Variants in DAAM1 observed in about 807,000 individuals in gnomAD.
DAAM1 encodes dishevelled associated activator of morphogenesis 1.
A neutral mutation model predicts 130.0 loss-of-function variants in DAAM1; 52 were observed. The ratio of observed to expected loss-of-function variants is 0.40; its 90% CI spans 0.32 to 0.50. The LOEUF is 0.50. Ranked by LOEUF, DAAM1 falls within the 20% of genes least tolerant of loss-of-function variation. The probability of loss-of-function intolerance (pLI) is 0.61; values close to 1 mark genes in which losing one functional copy is unlikely to be tolerated. For synonymous variants in DAAM1, 452 were observed against 444.5 expected (o/e 1.02, Z -0.21); for missense variants, 1,134 against 1,303.8 (o/e 0.87, Z 2.01).
At chr14:59,331,573 A>G in intron 14 of DAAM1, 65 bp downstream of exon 14, 1 of 1,518,572 alleles carries the variant, frequency 6.6e-7, no homozygotes, top group Non-Finnish European at 8.8e-7. Context: ...GTTATCACTG[A>G]AAGGGAAAAC....
At chr14:59,221,744 C>G (rs1419333840) in intron 1 of DAAM1, among the ~76,000 whole-genome samples, 4 of 152,206 alleles carry the variant, frequency 2.6e-5, no homozygotes, top group African/African-American at 9.7e-5. Flanking sequence ...TCTTGTCCTG[C>G]TGACTCAGAG....
chr14:59,200,490 C>G (rs919159115), intron 1 of DAAM1, among the ~76,000 whole-genome samples: 1 of 151,822 alleles, frequency 6.6e-6, no homozygotes, highest in Non-Finnish European at 1.5e-5. Context: ...GTTTTTTAAA[C>G]TTGACTCTAA....
chr14:59,274,572 T>C (rs1882871533), intron 2 of DAAM1, among the ~76,000 whole-genome samples: 1 of 152,146 alleles, frequency 6.6e-6, no homozygotes, highest in African/African-American at 2.4e-5. Flanking sequence ...TGGTCCAGAG[T>C]AGGTGCTCAA....
At chr14:59,193,817 A>G (rs1017608021) in intron 1 of DAAM1, among the ~76,000 whole-genome samples, 2 of 152,190 alleles carry the variant, frequency 1.3e-5, no homozygotes, top group African/African-American at 4.8e-5. Context: ...TATCTAGCTC[A>G]GGTGCCACAG....
At chr14:59,309,264 A>C (rs1412417433) in intron 3 of DAAM1, among the ~76,000 whole-genome samples, 14 of 152,226 alleles carry the variant, frequency 9.2e-5, no homozygotes, top group Non-Finnish European at 1.9e-4. Context: ...TGCTATTTTC[A>C]AAAAGTAGGA....
intron 2 of DAAM1, among the ~76,000 whole-genome samples, chr14:59,268,727 C>T (rs986472196): frequency 3.3e-5 from 5 of 152,186 alleles, no homozygotes; most frequent in African/African-American, 7.2e-5. Context: ...TTATACCTTT[C>T]GAGAATCAAT....
chr14:59,322,831 T>G, intron 5 of DAAM1, 61 bp from the exon 6 acceptor site: 1 of 1,370,378 alleles, frequency 7.3e-7, no homozygotes, highest in Non-Finnish European at 1.0e-6. Context: ...TAGACTTTTC[T>G]GTTAGGGGCT....
intron 17 of DAAM1, among the ~76,000 whole-genome samples, chr14:59,349,448 G>A (rs1886203826): frequency 6.6e-6 from 1 of 152,220 alleles, no homozygotes; most frequent in Admixed American, 6.5e-5. Context: ...TTTTGACCTG[G>A]CCTGTCCTGA....
chr14:59,244,541 T>G (rs1881279275), intron 1 of DAAM1, among the ~76,000 whole-genome samples: 1 of 152,188 alleles, frequency 6.6e-6, no homozygotes, highest in Non-Finnish European at 1.5e-5. Context: ...ATACCAAGAA[T>G]GAACAGGGGA....
In DAAM1 at chr14:59,196,043, T is replaced by A. The variant is rs1433807351; in HGVS notation, c.-38+7275T>A. On this transcript the variant is annotated intron_variant, in intron 1 of 24. Coordinates refer to ENST00000360909, the MANE Select transcript of DAAM1 (RefSeq NM_001270520.2). ...GTGAGAGGCAAGACTGCCAGCAGCT[T>A]GCTAAGGAACCGTATGCTTCTGACA... 1.3e-5 allele frequency among the ~76,000 whole-genome samples: 2 copies of A among 152,188 alleles called. 1 individual carries two copies. The highest frequency in any genetic ancestry group is 3.8e-4 in the East Asian group (2 of 5,198).
At chr14:59,318,682 T>C (rs758829991) in intron 4 of DAAM1, among the ~76,000 whole-genome samples, 3 of 152,132 alleles carry the variant, frequency 2.0e-5, no homozygotes, top group Non-Finnish European at 2.9e-5. Context: ...ACGATAAATA[T>C]AATCTCAGAA....
At position 59,312,816 on chromosome 14, in the gene DAAM1, A is replaced by T. The variant is rs184875881; in HGVS notation, c.274-2464A>T. Among the ~76,000 whole-genome samples, 37 of 152,342 alleles carry T rather than the reference A, an allele frequency of 2.4e-4. 1 individual carries two copies. The highest frequency in any genetic ancestry group is 7.3e-5 in the Non-Finnish European group (5 of 68,036). On this transcript the variant is annotated intron_variant, in intron 3 of 24. Coordinates refer to ENST00000360909, the MANE Select transcript of DAAM1 (RefSeq NM_001270520.2). ...AACAAAAGTCAGTGTTCTTGAAGGC[A>T]CTTTGTACTGTACAAGTTCTCTTTC...
chr14:59,205,643 G>C (rs1008334339), intron 1 of DAAM1, among the ~76,000 whole-genome samples: 2 of 152,146 alleles, frequency 1.3e-5, no homozygotes, highest in African/African-American at 4.8e-5. Flanking sequence ...CCAAAGACAG[G>C]TCTTTTGTCC....
At chr14:59,280,272 A>G (rs12885821) in intron 2 of DAAM1, among the ~76,000 whole-genome samples, 20,911 of 152,126 alleles carry the variant, frequency 0.14, 1,829 homozygotes, top group East Asian at 0.32. Flanking sequence ...ATAGGCTTTA[A>G]TCTTTAAAAT....
Position 59,350,244 on chromosome 14 carries a change from C to A in DAAM1, c.2161-2282C>A, listed in dbSNP as rs78645848. Among the ~76,000 whole-genome samples, 1,408 of 152,160 alleles carry A rather than the reference C, an allele frequency of 9.3e-3. 21 individuals carry two copies. The highest frequency in any genetic ancestry group is 0.032 in the African/African-American group (1,315 of 41,472). On this transcript the variant is annotated intron_variant, in intron 17 of 24. Coordinates refer to ENST00000360909, the MANE Select transcript of DAAM1 (RefSeq NM_001270520.2). ...GGGATGTCTCTTCCCTTCGCTCTGG[C>A]CCCATTCCTTTCTTCTAGTCAGGAC... is the stretch of plus-strand genomic sequence containing the variant.
At chr14:59,322,481 A>G (rs1385039245) in intron 5 of DAAM1, among the ~76,000 whole-genome samples, 5 of 147,778 alleles carry the variant, frequency 3.4e-5, no homozygotes, top group African/African-American at 7.6e-5. Context: ...ATGACAGAGC[A>G]AGACCCTGTC....
Position 59,352,521 on chromosome 14 carries a change from T to C in DAAM1, c.2161-5T>C, listed in dbSNP as rs776667926. 3 of 1,610,106 alleles carry C rather than the reference T, an allele frequency of 1.9e-6. No homozygotes were observed. The highest frequency in any genetic ancestry group is 1.7e-4 in the Middle Eastern group (1 of 6,054). ...TCAGTTTTAATATTCGTGTGTACTTTTCAGCTCTTGAAATTTGTTCCTGAA... is the reference window on the plus strand; with the variant it reads ...TCAGTTTTAATATTCGTGTGTACTTCTCAGCTCTTGAAATTTGTTCCTGAA... On this transcript the variant is annotated splice_polypyrimidine_tract_variant and splice_region_variant and intron_variant, in intron 17 of 24. Transcript: ENST00000360909.
chr14:59,355,069 T>A, intron 19 of DAAM1, 96 bp from the exon 20 acceptor site: 3 of 1,468,780 alleles, frequency 2.0e-6, no homozygotes, highest in Non-Finnish European at 2.8e-6. Context: ...ATATCTGTTA[T>A]TAAGTGTGTG....
At chr14:59,277,234 C>T (rs981387683) in intron 2 of DAAM1, among the ~76,000 whole-genome samples, 13 of 152,252 alleles carry the variant, frequency 8.5e-5, no homozygotes, top group African/African-American at 3.1e-4. Flanking sequence ...AAAATTCCTT[C>T]CCTTGCTTTA....
Sources: gnomAD v4.1 joint callset for allele counts (sites outside exome capture counted in the v4.1 genomes callset) on GRCh38, gnomAD v4.1.1 for gene constraint, MANE v1.5 for transcripts, NCBI Gene and HGNC (gene_info 2026-07-23, HGNC 2026-07-21) for gene names.